Variants in ZRANB1 observed in about 807,000 individuals in gnomAD.
ZRANB1 encodes zinc finger RANBP2-type containing 1.
ZRANB1 carries 16 observed loss-of-function variants against 80.5 expected under a neutral mutation model. The observed-to-expected ratio is 0.20, with a 90% confidence interval of 0.13 to 0.30. The LOEUF (loss-of-function observed/expected upper bound fraction) is 0.30. Ranked by LOEUF, ZRANB1 falls within the 10% of genes least tolerant of loss-of-function variation. The pLI, the probability that ZRANB1 is intolerant of heterozygous loss-of-function variation, is 1.00. For synonymous variants in ZRANB1, 291 were observed against 293.1 expected (o/e 0.99, Z 0.07); for missense variants, 576 against 862.6 (o/e 0.67, Z 4.16).
At chr10:124,924,662 C>T in the ZRANB1 span, among the ~76,000 whole-genome samples, 1 of 152,254 alleles carries the variant, frequency 6.6e-6, no homozygotes, top group Admixed American at 6.5e-5. Flanking sequence ...CTTTTTGTGG[C>T]TGGCTGATAC....
chr10:124,940,605 TTTC>T, upstream of ZRANB1: 2 of 1,165,824 alleles, frequency 1.7e-6, no homozygotes, highest in Admixed American at 2.4e-5. Flanking sequence ...GTGATTTTTT[TTTC>T]TTCTTAGCAG....
intron 5 of ZRANB1, among the ~76,000 whole-genome samples, chr10:124,977,780 A>G (rs1390450060): frequency 2.0e-5 from 3 of 150,786 alleles, no homozygotes; most frequent in Non-Finnish European, 4.4e-5. Context: ...TAAATAGGCT[A>G]GATAGGGAGT....
At chr10:124,979,244 T>C (rs957055537) in intron 5 of ZRANB1, among the ~76,000 whole-genome samples, 3 of 152,344 alleles carry the variant, frequency 2.0e-5, no homozygotes, top group African/African-American at 7.2e-5. Context: ...TGCAGGCACA[T>C]GGGCTCCTTG....
At chr10:124,955,143 G>C (rs1229999193) in intron 1 of ZRANB1, among the ~76,000 whole-genome samples, 3 of 150,930 alleles carry the variant, frequency 2.0e-5, no homozygotes, top group Admixed American at 6.6e-5. Context: ...AAACAAAAAC[G>C]AACAACCAAA....
chr10:124,922,302 T>A, the ZRANB1 span, among the ~76,000 whole-genome samples: 2 of 43,878 alleles, frequency 4.6e-5, no homozygotes, highest in African/African-American at 8.7e-5. Context: ...ATATGTAAAA[T>A]ATATATATAT....
the ZRANB1 span, among the ~76,000 whole-genome samples, chr10:124,924,311 AGC>A: frequency 1.3e-5 from 2 of 150,972 alleles, no homozygotes; most frequent in African/African-American, 2.4e-5. Context: ...AAAAAAAAAA[AGC>A]AGCTTCATTG....
the ZRANB1 span, among the ~76,000 whole-genome samples, chr10:124,927,978 A>G: frequency 2.0e-5 from 3 of 152,222 alleles, no homozygotes; most frequent in Admixed American, 2.0e-4. Flanking sequence ...TGGAGGTTGC[A>G]GTGAGCTGAG....
chr10:124,928,887 T>C, the ZRANB1 span, among the ~76,000 whole-genome samples: 120,338 of 152,182 alleles, frequency 0.79, 48,979 homozygotes, highest in East Asian at 0.95. Context: ...GTGGAAAATC[T>C]GGGGAAATAA....
At chr10:124,919,211 T>G in the ZRANB1 span, among the ~76,000 whole-genome samples, 5 of 152,210 alleles carry the variant, frequency 3.3e-5, no homozygotes, top group Admixed American at 3.3e-4. Context: ...AGCTTGTCCA[T>G]GTGCTTTATA....
chr10:124,958,933 C>T (rs1001224143), intron 1 of ZRANB1, among the ~76,000 whole-genome samples: 1 of 152,188 alleles, frequency 6.6e-6, no homozygotes, highest in African/African-American at 2.4e-5. Context: ...CCTCGGCCTC[C>T]CCAAATTGCT....
At chr10:124,956,907 G>A (rs1951691788) in intron 1 of ZRANB1, among the ~76,000 whole-genome samples, 2 of 152,184 alleles carry the variant, frequency 1.3e-5, no homozygotes, top group Admixed American at 6.5e-5. Context: ...TCTTTCTCGT[G>A]TGTATTCTCT....
chr10:124,987,601 C>G lies in ZRANB1; in HGVS notation c.*2609C>G, dbSNP rs1449105779. ...AGACGTTAAACTACCTTTTTGTTCC[C>G]TGGGGTAATAGGTCAGTAACTATGA... On this transcript the variant is annotated 3_prime_UTR_variant, in exon 9 of 9. Coordinates refer to ENST00000359653, the MANE Select transcript of ZRANB1 (RefSeq NM_017580.3). The G allele has an allele frequency of 6.6e-6, 1 of 152,032 alleles. No homozygotes were observed. The highest frequency in any genetic ancestry group is 2.4e-5 in the African/African-American group (1 of 41,388). 9.4% of individuals were successfully genotyped at this position (152,032 alleles called of 1,614,324 possible).
At chr10:124,933,066 AGT>A in the ZRANB1 span, among the ~76,000 whole-genome samples, 2 of 151,028 alleles carry the variant, frequency 1.3e-5, no homozygotes, top group African/African-American at 4.9e-5. Flanking sequence ...TTCTCTTGAC[AGT>A]GTCTTTCACA....
In ZRANB1 at chr10:124,955,999, A is replaced by G. The variant is rs7085351; in HGVS notation, c.815-10595A>G. Among the ~76,000 whole-genome samples the G allele has an allele frequency of 2.9e-3, 435 of 152,356 alleles. 3 individuals carry two copies. Among genetic ancestry groups the G allele is most frequent in the African/African-American group, 0.01 (421 of 41,588 alleles). On this transcript the variant is annotated intron_variant, in intron 1 of 8. Transcript: ENST00000359653. ...GCGGTGATGGCAGAAATAAAGCGCC[A>G]GTATTCTTCTTGGTTGCCTTTAGTA...
chr10:124,973,555 T>C, intron 3 of ZRANB1, 90 bp from the exon 4 acceptor site: 1 of 1,116,102 alleles, frequency 9.0e-7, no homozygotes, highest in Non-Finnish European at 1.3e-6. Flanking sequence ...TAGAGAAAGT[T>C]ACTAGTAGGT....
chr10:124,954,007 C>G (rs1189743210), intron 1 of ZRANB1, among the ~76,000 whole-genome samples: 1 of 151,408 alleles, frequency 6.6e-6, no homozygotes, highest in African/African-American at 2.4e-5. Flanking sequence ...GCTCTGTTGC[C>G]CAGGCTGGAG....
intron 1 of ZRANB1, among the ~76,000 whole-genome samples, chr10:124,963,265 CAAAAAAAA>C (rs397844792): frequency 1.1e-4 from 7 of 62,370 alleles, no homozygotes; most frequent in East Asian, 4.4e-4. Flanking sequence ...GACTCTGTCT[CAAAAAAAA>C]AAAAAAAAAA....
At chr10:124,951,013 C>T (rs911341431) in intron 1 of ZRANB1, among the ~76,000 whole-genome samples, 1 of 151,020 alleles carries the variant, frequency 6.6e-6, no homozygotes, top group African/African-American at 2.4e-5. Context: ...GGTATTTGTC[C>T]ATTTGGTTTT....
chr10:124,940,178 A>G (rs904824028), upstream of ZRANB1, among the ~76,000 whole-genome samples: 2 of 152,236 alleles, frequency 1.3e-5, no homozygotes, highest in African/African-American at 4.8e-5. Flanking sequence ...TGTCTCATCC[A>G]TGTTTAATTT....
Sources: gnomAD v4.1 joint callset for allele counts (sites outside exome capture counted in the v4.1 genomes callset) on GRCh38, gnomAD v4.1.1 for gene constraint, MANE v1.5 for transcripts, NCBI Gene and HGNC (gene_info 2026-07-23, HGNC 2026-07-21) for gene names.